The following FRYL variants were observed in gnomAD, a reference collection of about 807,000 sequenced individuals.
FRYL encodes protein furry homolog-like.
In FRYL, 150 loss-of-function variants were observed where a neutral mutation model predicts 351.2. The observed-to-expected ratio is 0.43, with a 90% CI of 0.37 to 0.49. The LOEUF is 0.49. Among genes scored for constraint, FRYL ranks in the 20% least tolerant of loss-of-function variants. The probability of loss-of-function intolerance (pLI) is 0.00; values close to 1 mark genes in which losing one functional copy is unlikely to be tolerated. For missense variants in FRYL, 3,036 were observed against 3,619.3 expected, an observed-to-expected ratio of 0.84 and a Z score of 4.13; for synonymous variants, 1,153 against 1,257.1, an observed-to-expected ratio of 0.92 and a Z score of 1.75.
intron 18 of FRYL, 47 bp from the exon 19 acceptor site, chr4:48,586,775 G>T: frequency 7.9e-7 from 1 of 1,264,728 alleles, no homozygotes; most frequent in Non-Finnish European, 1.1e-6. Context: ...ACATATGCTA[G>T]ACAATGAAAT....
intron 3 of FRYL, among the ~76,000 whole-genome samples, chr4:48,655,579 C>A (rs1337105387): frequency 6.6e-6 from 1 of 150,450 alleles, no homozygotes; most frequent in African/African-American, 2.4e-5. Context: ...ATACAATCCT[C>A]TTTTCATCAA....
Position 48,561,456 on chromosome 4 carries a change from C to A in FRYL, c.3865+12G>T. Reference sequence around the variant, plus strand: ...GACAAATAGAAACTACTAACCAGTTCATTGATCATACCTGAGAATATGGCG... The same window carrying A: ...GACAAATAGAAACTACTAACCAGTTAATTGATCATACCTGAGAATATGGCG... On this transcript the variant is annotated intron_variant, in intron 33 of 63. Coordinates refer to ENST00000358350, the MANE Select transcript of FRYL (RefSeq NM_015030.2). 2 of 1,531,052 alleles carry A rather than the reference C, an allele frequency of 1.3e-6. No homozygotes were observed. The highest frequency in any genetic ancestry group is 8.8e-7 in the Non-Finnish European group (1 of 1,133,366). The allele number at this position is 1,531,052 out of a possible 1,614,324, so 94.8% of individuals were successfully genotyped here. A position where few individuals can be genotyped will look rare whatever the true frequency, so the allele number is the denominator to read the frequency against.
At chr4:48,607,166 TTACATTTGAAAAGGACATCTAA>T (rs1747019313) in intron 9 of FRYL, among the ~76,000 whole-genome samples, 2 of 152,170 alleles carry the variant, frequency 1.3e-5, no homozygotes. Flanking sequence ...TTTTCTTCAC[TTACATTTGAAAAGGACATCTAA>T]TAGTTTATTA....
chr4:48,739,476 T>C (rs1771812265), intron 1 of FRYL, among the ~76,000 whole-genome samples: 1 of 151,856 alleles, frequency 6.6e-6, no homozygotes, highest in African/African-American at 2.4e-5. Flanking sequence ...AGATAGCCTT[T>C]TGAACAAATT....
At chr4:48,543,161 T>C (rs879234755) in intron 44 of FRYL, among the ~76,000 whole-genome samples, 2 of 152,188 alleles carry the variant, frequency 1.3e-5, no homozygotes, top group African/African-American at 2.4e-5. Flanking sequence ...CTTCCCCAGA[T>C]CATAAACAGA....
At chr4:48,705,557 T>A (rs1371712911) in intron 2 of FRYL, among the ~76,000 whole-genome samples, 2 of 144,340 alleles carry the variant, frequency 1.4e-5, no homozygotes, top group Non-Finnish European at 1.5e-5. Flanking sequence ...ATATTTTTCT[T>A]AAAAAAAAAA....
rs764869330 is a variant in FRYL, at chr4:48,606,418, T to A, written c.741+20A>T. 1.3e-6 allele frequency: 2 copies of A among 1,548,442 alleles called. No individual in the cohort carries two copies. The highest frequency in any genetic ancestry group is 1.7e-5 in the Admixed American group (1 of 57,644). Reference sequence around the variant, plus strand: ...ACTGTTAGGCTTGCTCTATTTACTGTCATTTAGAAGGTATATCACCTGCAT... The same window carrying A: ...ACTGTTAGGCTTGCTCTATTTACTGACATTTAGAAGGTATATCACCTGCAT... On this transcript the variant is annotated intron_variant, in intron 10 of 63. Transcript: ENST00000358350.
chr4:48,702,792 G>T (rs991197900), intron 2 of FRYL, among the ~76,000 whole-genome samples: 4 of 146,020 alleles, frequency 2.7e-5, no homozygotes, highest in African/African-American at 7.5e-5. Context: ...AGAAAGAAAA[G>T]AAAAAATACA....
intron 1 of FRYL, among the ~76,000 whole-genome samples, chr4:48,746,837 C>A (rs1347702608): frequency 6.6e-6 from 1 of 152,196 alleles, no homozygotes; most frequent in African/African-American, 2.4e-5. Flanking sequence ...AGCTGTTTGA[C>A]TCTTCCCAGG....
chr4:48,748,546 G>A (rs988668546), intron 1 of FRYL, among the ~76,000 whole-genome samples: 9 of 152,062 alleles, frequency 5.9e-5, no homozygotes, highest in African/African-American at 9.7e-5. Flanking sequence ...GCCCAGACAC[G>A]GAAGACACAT....
chr4:48,516,077 C>T (rs1468650084), intron 55 of FRYL, among the ~76,000 whole-genome samples: 1 of 152,122 alleles, frequency 6.6e-6, no homozygotes, highest in African/African-American at 2.4e-5. Context: ...GGTGGCCTTA[C>T]TACAAAATCT....
At chr4:48,763,106 T>TAAAAAAAA (rs10683757) in intron 1 of FRYL, among the ~76,000 whole-genome samples, 2 of 91,534 alleles carry the variant, frequency 2.2e-5, no homozygotes, top group Non-Finnish European at 4.1e-5. Flanking sequence ...TACAGATCTG[T>TAAAAAAAA]AAAAAAAAAA....
Position 48,566,362 on chromosome 4 carries a change from T to C in FRYL, c.3170-671A>G, listed in dbSNP as rs1252836837. Among the ~76,000 whole-genome samples the C allele has an allele frequency of 3.9e-5, 6 of 152,196 alleles. No homozygotes were observed. The East Asian group carries it at 1.2e-3, about 29-fold the overall frequency. On this transcript the variant is annotated intron_variant, in intron 28 of 63. Coordinates refer to ENST00000358350, the MANE Select transcript of FRYL (RefSeq NM_015030.2). ...AATTCTACTATATAATTTCTCTACATCTATCCTTCTTGAAGAAACTCAGCA... is the reference window on the plus strand; with the variant it reads ...AATTCTACTATATAATTTCTCTACACCTATCCTTCTTGAAGAAACTCAGCA...
chr4:48,712,108 A>G (rs1455105874), intron 1 of FRYL, among the ~76,000 whole-genome samples: 1 of 152,200 alleles, frequency 6.6e-6, no homozygotes, highest in East Asian at 1.9e-4. Context: ...TAAAACCACA[A>G]AGATGGGGAA....
chr4:48,640,653 A>G (rs2149392035), intron 3 of FRYL, among the ~76,000 whole-genome samples: 1 of 152,286 alleles, frequency 6.6e-6, no homozygotes, highest in Admixed American at 6.5e-5. Flanking sequence ...TTAGTTAATA[A>G]TAATGTTTCA....
intron 2 of FRYL, among the ~76,000 whole-genome samples, chr4:48,693,026 T>C (rs559402900): frequency 1.3e-5 from 2 of 152,338 alleles, no homozygotes; most frequent in South Asian, 4.1e-4. Flanking sequence ...ACACTTGGCT[T>C]TACTCCCCTA....
At chr4:48,711,129 G>A (rs1039136950) in intron 1 of FRYL, among the ~76,000 whole-genome samples, 13 of 152,200 alleles carry the variant, frequency 8.5e-5, no homozygotes, top group African/African-American at 1.7e-4. Context: ...AGCTCCCAGC[G>A]GGAGCGACAC....
chr4:48,723,142 T>C (rs1318064314), intron 1 of FRYL, among the ~76,000 whole-genome samples: 1 of 151,936 alleles, frequency 6.6e-6, no homozygotes, highest in Non-Finnish European at 1.5e-5. Context: ...TTTTTTTTTG[T>C]TTGTTTTGTT....
rs1180507968 is a variant in FRYL, at chr4:48,515,029, T to C, written c.7936A>G (p.Ser2646Gly). The C allele has an allele frequency of 6.2e-7, 1 of 1,613,288 alleles. No homozygotes were observed. The highest frequency in any genetic ancestry group is 8.5e-7 in the Non-Finnish European group (1 of 1,179,548). The change falls in exon 56 of 64, where the codon AGT (serine) becomes GGT (glycine). Residue 2646 changes from serine (S) to glycine (G), a missense_variant and splice_region_variant. By Grantham distance (56) the Ser-to-Gly change is moderately conservative. This residue lies in a region of FRYL where 1,987 missense variants were observed against 2,311.7 expected (regional missense o/e 0.86). Transcript: ENST00000358350. Reference sequence around the variant, plus strand: ...GTGTTTATGATACTGTATTCTCACCTAGACAGTCCGGAGAAATCCGCTTCT... The same window carrying C: ...GTGTTTATGATACTGTATTCTCACCCAGACAGTCCGGAGAAATCCGCTTCT... ...EEEADFSGLS[S>G]QDEEEQDGFP...
Sources: allele counts gnomAD v4.1 joint callset (sites outside exome capture counted in the v4.1 genomes callset), GRCh38; gene constraint gnomAD v4.1.1; regional missense constraint gnomAD v4.1.1; transcripts MANE v1.5; gene names NCBI Gene and HGNC (gene_info 2026-07-23, HGNC 2026-07-21).